Variants in SEMA3C observed in about 807,000 individuals in gnomAD.
SEMA3C encodes the protein semaphorin-3C.
In SEMA3C, 47 loss-of-function variants were observed where a neutral mutation model predicts 89.4. That is an observed-to-expected ratio of 0.53 (90% CI 0.42 to 0.67). SEMA3C has a LOEUF of 0.67. Among genes scored for constraint, SEMA3C ranks in the 30% least tolerant of loss-of-function variants. The pLI, the probability that SEMA3C is intolerant of heterozygous loss-of-function variation, is 0.00. For synonymous variants in SEMA3C, 310 were observed against 320.2 expected, an observed-to-expected ratio of 0.97 and a Z score of 0.34; for missense variants, 839 against 929.1, an observed-to-expected ratio of 0.90 and a Z score of 1.26.
At chr7:80,778,859 C>T (rs1788626791) in intron 12 of SEMA3C, among the ~76,000 whole-genome samples, 1 of 152,178 alleles carries the variant, frequency 6.6e-6, no homozygotes, top group Admixed American at 6.5e-5. Context: ...CACAATATCA[C>T]ATTCTTTTAT....
upstream of SEMA3C, chr7:80,919,110 C>T: frequency 5.1e-6 from 5 of 984,904 alleles, no homozygotes; most frequent in Non-Finnish European, 6.0e-6. Flanking sequence ...TACAGCGCCG[C>T]GGCGCGCGGC....
intron 2 of SEMA3C, among the ~76,000 whole-genome samples, chr7:80,915,993 T>C (rs1476816078): frequency 1.3e-5 from 2 of 152,066 alleles, no homozygotes; most frequent in Non-Finnish European, 2.9e-5. Context: ...CATCTGTAAG[T>C]CCTTTGAACT....
chr7:80,862,664 T>G (rs905812934), intron 2 of SEMA3C, among the ~76,000 whole-genome samples: 11 of 152,000 alleles, frequency 7.2e-5, no homozygotes, highest in East Asian at 1.9e-4. Context: ...GAACAAATCT[T>G]GAGGAATCAC....
At chr7:80,887,720 A>C (rs1337342991) in intron 2 of SEMA3C, among the ~76,000 whole-genome samples, 1 of 152,216 alleles carries the variant, frequency 6.6e-6, no homozygotes, top group Non-Finnish European at 1.5e-5. Flanking sequence ...CTGAGTAAAA[A>C]GCATAACTAA....
At chr7:80,842,945 CA>C (rs1178887237) in intron 2 of SEMA3C, among the ~76,000 whole-genome samples, 1 of 152,002 alleles carries the variant, frequency 6.6e-6, no homozygotes, top group Non-Finnish European at 1.5e-5. Context: ...ATGAAAAGAA[CA>C]AAATTATATT....
chr7:80,863,199 T>C (rs1374235667), intron 2 of SEMA3C, among the ~76,000 whole-genome samples: 1 of 149,252 alleles, frequency 6.7e-6, no homozygotes, highest in African/African-American at 2.5e-5. Flanking sequence ...GCCATTGCAC[T>C]CCAGCCTGGT....
intron 2 of SEMA3C, among the ~76,000 whole-genome samples, chr7:80,912,058 C>G (rs965409203): frequency 2.4e-4 from 37 of 152,172 alleles, no homozygotes; most frequent in African/African-American, 8.4e-4. Flanking sequence ...CCTTGTAACT[C>G]TGAATGGCTT....
At chr7:80,823,350 C>T (rs900569032) in intron 4 of SEMA3C, among the ~76,000 whole-genome samples, 10 of 152,044 alleles carry the variant, frequency 6.6e-5, no homozygotes, top group Admixed American at 1.3e-4. Flanking sequence ...TCTCCAAGGT[C>T]GAAGAGCTAA....
chr7:80,895,736 TA>T (rs923435082), intron 2 of SEMA3C, among the ~76,000 whole-genome samples: 1 of 152,128 alleles, frequency 6.6e-6, no homozygotes, highest in Non-Finnish European at 1.5e-5. Context: ...GAGAATGCCT[TA>T]AAAAATCTTG....
In SEMA3C at chr7:80,745,086, G is replaced by T. The variant is rs1562854297; in HGVS notation, c.2064C>A (p.Phe688Leu). The change falls in exon 18 of 18, where the codon TTC (phenylalanine) becomes TTA (leucine). Residue 688 changes from phenylalanine (F) to leucine (L), a missense_variant. By Grantham distance (22) the Phe-to-Leu change is conservative. Coordinates refer to ENST00000265361, the MANE Select transcript of SEMA3C (RefSeq NM_006379.5). Reference sequence around the variant, plus strand: ...ATGCCCCCATGATGTCCTTCGGGTGGAAGGGTAAAGCCCTCACAGAGCTGG... The same window carrying T: ...ATGCCCCCATGATGTCCTTCGGGTGTAAGGGTAAAGCCCTCACAGAGCTGG... ...TWASSVRALP[F>L]HPKDIMGAFS... 1 of 1,614,026 alleles carries T rather than the reference G, an allele frequency of 6.2e-7. No homozygotes were observed. The highest frequency in any genetic ancestry group is 8.5e-7 in the Non-Finnish European group (1 of 1,179,982).
At chr7:80,765,588 T>C (rs1397858795) in intron 12 of SEMA3C, among the ~76,000 whole-genome samples, 1 of 151,670 alleles carries the variant, frequency 6.6e-6, no homozygotes, top group Admixed American at 6.6e-5. Context: ...TTTTGTTTTG[T>C]TTGTTTGAGA....
chr7:80,795,653 C>T (rs987885763), intron 11 of SEMA3C, among the ~76,000 whole-genome samples: 5 of 152,186 alleles, frequency 3.3e-5, no homozygotes, highest in Admixed American at 6.5e-5. Flanking sequence ...AGTATTCCTA[C>T]ATTTTATGTA....
Position 80,745,128 on chromosome 7 carries a change from C to T in SEMA3C, c.2022G>A (p.Trp674Ter). Residue 674 changes from tryptophan (W) to a stop codon, truncating the protein, a stop_gained, in exon 18 of 18, where the codon TGG (tryptophan) becomes TGA (stop). Transcript: ENST00000265361. LOFTEE classifies it high-confidence loss of function. ...SEMVAVVTDK[W>*]SPWTWASSVR... is the part of the protein sequence containing the mutation. ...CAGAGCTGGCCCAGGTCCATGGGGA[C>T]CATTTGTCCGTCACAACAGCCACCA... 1 of 1,613,966 alleles carries T rather than the reference C, an allele frequency of 6.2e-7. No homozygotes were observed. The highest frequency in any genetic ancestry group is 8.5e-7 in the Non-Finnish European group (1 of 1,179,962).
At chr7:80,803,305 C>T (rs1789252677) in intron 8 of SEMA3C, among the ~76,000 whole-genome samples, 1 of 152,110 alleles carries the variant, frequency 6.6e-6, no homozygotes, top group Non-Finnish European at 1.5e-5. Context: ...GGAGAAATGG[C>T]ATTTGGATCA....
chr7:80,856,175 T>A (rs1338178815), intron 2 of SEMA3C, among the ~76,000 whole-genome samples: 1 of 152,164 alleles, frequency 6.6e-6, no homozygotes, highest in South Asian at 2.1e-4. Flanking sequence ...AAAAATTCAC[T>A]GTTCTTCCAA....
chr7:80,874,552 C>T (rs1043013745), intron 2 of SEMA3C, among the ~76,000 whole-genome samples: 9 of 151,786 alleles, frequency 5.9e-5, no homozygotes, highest in East Asian at 2.0e-4. Context: ...CTACAACCTC[C>T]GCCTCCCAGG....
chr7:80,787,728 T>C (rs1480404466), intron 12 of SEMA3C, among the ~76,000 whole-genome samples: 1 of 152,074 alleles, frequency 6.6e-6, no homozygotes, highest in Non-Finnish European at 1.5e-5. Context: ...GAGGATTCAG[T>C]GGAGGATGAA....
Position 80,789,488 on chromosome 7 carries a change from T to C in SEMA3C, c.1172A>G (p.Lys391Arg). The change falls in exon 12 of 18, where the codon AAG becomes AGG. Residue 391 changes from lysine to arginine, a missense_variant. Transcript: ENST00000265361. The stretch of plus-strand genomic sequence containing the variant: ...AGTGACAACATCATCTGGGAACTCC[T>C]TGGTGGTTCGCATATTGGGTGTAAA... Reference protein sequence around the residue: ...GAFTPNMRTTKEFPDDVVTFI... With the variant: ...GAFTPNMRTTREFPDDVVTFI... 6.2e-7 allele frequency: 1 copy of C among 1,613,856 alleles called. No homozygotes were observed. The highest frequency in any genetic ancestry group is 8.5e-7 in the Non-Finnish European group (1 of 1,179,852).
intron 2 of SEMA3C, among the ~76,000 whole-genome samples, chr7:80,830,154 C>T (rs1158701632): frequency 1.3e-5 from 2 of 152,156 alleles, no homozygotes; most frequent in Non-Finnish European, 2.9e-5. Context: ...CAAGTAGTTT[C>T]AGCCAATAAT....
Sources: allele counts gnomAD v4.1 joint callset (sites outside exome capture counted in the v4.1 genomes callset), GRCh38; gene constraint gnomAD v4.1.1; transcripts MANE v1.5; gene names NCBI Gene and HGNC (gene_info 2026-07-23, HGNC 2026-07-21).